The following DPP6 variants were observed in gnomAD, a reference collection of about 807,000 sequenced individuals.
DPP6 encodes A-type potassium channel modulatory protein DPP6.
In DPP6, 69 loss-of-function variants were observed where a neutral mutation model predicts 122.6. The observed-to-expected ratio is 0.56, with a 90% CI of 0.46 to 0.69. DPP6 has a LOEUF of 0.69. DPP6 is among the 30% of genes least tolerant of loss of function. DPP6 has a pLI of 0.00. For synonymous variants in DPP6, 418 were observed against 433.1 expected, an observed-to-expected ratio of 0.97 and a Z score of 0.43; for missense variants, 928 against 1,116.9, an observed-to-expected ratio of 0.83 and a Z score of 2.41.
intron 1 of DPP6, among the ~76,000 whole-genome samples, chr7:153,912,003 A>C (rs1341353146): frequency 6.6e-6 from 1 of 152,208 alleles, no homozygotes; most frequent in Admixed American, 6.5e-5. Flanking sequence ...GGAATTCAGA[A>C]CTTTTCAGAA....
chr7:154,486,505 C>CT lies in DPP6; in HGVS notation c.457+11473dup, dbSNP rs1384076311. 6.6e-6 allele frequency among the ~76,000 whole-genome samples: 1 copy of CT among 152,176 alleles called. No individual in the cohort carries two copies. Among genetic ancestry groups the CT allele is most frequent in the Admixed American group, 6.5e-5 (1 of 15,274 alleles). On this transcript the variant is annotated intron_variant, in intron 3 of 25. Transcript: ENST00000377770. This position sits in a 1 kb window ranked among gnomAD's most constrained non-coding sequence, Gnocchi z 4.5. ...AGCTTTGTGACTTTATTGCTCTTCT[C>CT]TTTTTCTGAAAATACCGTTGCTCAT...
intron 1 of DPP6, among the ~76,000 whole-genome samples, chr7:154,061,198 G>T (rs1585273508): frequency 6.7e-6 from 1 of 149,220 alleles, no homozygotes. Flanking sequence ...TGCAGTATTA[G>T]CCAAGCCTTT....
At chr7:154,786,598 G>C in intron 10 of DPP6, among the ~76,000 whole-genome samples, 1 of 152,170 alleles carries the variant, frequency 6.6e-6, no homozygotes, top group South Asian at 2.1e-4. Context: ...CTTCCACCAT[G>C]ATTGTAAGTT....
chr7:154,015,508 G>A (rs969090769), intron 1 of DPP6, among the ~76,000 whole-genome samples: 4 of 152,008 alleles, frequency 2.6e-5, no homozygotes, highest in African/African-American at 9.7e-5. Flanking sequence ...ACATGTGCTC[G>A]CTTACATGTG....
At chr7:154,447,780 C>G (rs1403397737) in intron 2 of DPP6, among the ~76,000 whole-genome samples, 2 of 152,134 alleles carry the variant, frequency 1.3e-5, no homozygotes, top group African/African-American at 4.8e-5. Context: ...GAAAATCAAT[C>G]AATGTATTAT....
chr7:154,286,699 T>C (rs974808896), intron 1 of DPP6, among the ~76,000 whole-genome samples: 1 of 152,072 alleles, frequency 6.6e-6, no homozygotes, highest in African/African-American at 2.4e-5. Context: ...CTCTCCATAG[T>C]GTTGAGGGAG....
In DPP6 at chr7:154,660,046, T is replaced by A. The variant is rs542767813; in HGVS notation, c.681-9314T>A. ...AAACTTTTGATTCCTGGTGTGGATC[T>A]ATGGAAACTCCTGTAACGTGTTGGT... On this transcript the variant is annotated intron_variant, in intron 6 of 25. Transcript: ENST00000377770. Among the ~76,000 whole-genome samples, 15 of 152,324 alleles carry A rather than the reference T, an allele frequency of 9.8e-5. No individual in the cohort carries two copies. In the South Asian group the frequency reaches 2.9e-3, roughly 29 times the overall value.
chr7:154,322,149 G>T (rs1808029190), intron 1 of DPP6, among the ~76,000 whole-genome samples: 1 of 148,522 alleles, frequency 6.7e-6, no homozygotes, highest in Non-Finnish European at 1.5e-5. Context: ...GACTCTGCCA[G>T]CCCTGGCTAA....
At chr7:154,825,551 T>C (rs1317596508) in intron 16 of DPP6, among the ~76,000 whole-genome samples, 1 of 152,204 alleles carries the variant, frequency 6.6e-6, no homozygotes, top group Non-Finnish European at 1.5e-5. Context: ...CATCTGTCCA[T>C]GTGAGGAAAA....
chr7:154,037,276 T>C (rs2533776), intron 1 of DPP6, among the ~76,000 whole-genome samples: 1 of 152,246 alleles, frequency 6.6e-6, no homozygotes, highest in African/African-American at 2.4e-5. Context: ...ATTCTATGAA[T>C]TTACTTTCCC....
intron 1 of DPP6, among the ~76,000 whole-genome samples, chr7:154,425,126 C>T (rs945812390): frequency 2.0e-5 from 3 of 152,164 alleles, no homozygotes; most frequent in African/African-American, 7.2e-5. Context: ...TCAGCAGCAG[C>T]TTTTCTGCTC....
the DPP6 span, among the ~76,000 whole-genome samples, chr7:153,798,443 A>G: frequency 6.6e-6 from 1 of 152,338 alleles, no homozygotes; most frequent in African/African-American, 2.4e-5. Flanking sequence ...GCCAGCGGCA[A>G]TCACAGGCAA....
At chr7:153,771,237 C>A in the DPP6 span, among the ~76,000 whole-genome samples, 1 of 152,000 alleles carries the variant, frequency 6.6e-6, no homozygotes, top group African/African-American at 2.4e-5. Flanking sequence ...CCCAAAGGCA[C>A]CCACAGGGAA....
intron 1 of DPP6, among the ~76,000 whole-genome samples, chr7:154,078,901 A>T (rs1428482293): frequency 6.7e-6 from 1 of 150,210 alleles, no homozygotes; most frequent in African/African-American, 2.5e-5. Flanking sequence ...TTTTAAATTC[A>T]AAACATTGAG....
At chr7:154,212,765 G>A (rs1799807797) in intron 1 of DPP6, among the ~76,000 whole-genome samples, 1 of 152,178 alleles carries the variant, frequency 6.6e-6, no homozygotes, top group Admixed American at 6.5e-5. Context: ...AATCAGCTGG[G>A]AGAGAACACA....
At chr7:154,490,001 T>A (rs1586435245) in intron 3 of DPP6, among the ~76,000 whole-genome samples, 1 of 152,190 alleles carries the variant, frequency 6.6e-6, no homozygotes, top group Non-Finnish European at 1.5e-5. Flanking sequence ...AAGGGAAAGA[T>A]GGAATAAACC....
intron 5 of DPP6, among the ~76,000 whole-genome samples, chr7:154,599,018 G>A (rs534507950): frequency 3.5e-4 from 53 of 152,254 alleles, no homozygotes; most frequent in African/African-American, 1.2e-3. Context: ...TGCAGCAGTA[G>A]GTTTCAGCTC....
the DPP6 span, among the ~76,000 whole-genome samples, chr7:153,754,227 A>G: frequency 6.6e-6 from 1 of 152,174 alleles, no homozygotes; most frequent in Non-Finnish European, 1.5e-5. Flanking sequence ...ATTCAATAGA[A>G]ATGCATTTTT....
chr7:153,925,432 C>G (rs1239743507), intron 1 of DPP6, among the ~76,000 whole-genome samples: 1 of 151,476 alleles, frequency 6.6e-6, no homozygotes, highest in Admixed American at 6.6e-5. Flanking sequence ...GGAGATCATC[C>G]TGCATGGTGG....
Sources: gnomAD v4.1 joint callset for allele counts (sites outside exome capture counted in the v4.1 genomes callset) on GRCh38, gnomAD v4.1.1 for gene constraint, Gnocchi (gnomAD v3.1) non-coding constraint, MANE v1.5 for transcripts, NCBI Gene and HGNC (gene_info 2026-07-23, HGNC 2026-07-21) for gene names.